Variants in ZFHX3 observed in about 807,000 individuals in gnomAD.
ZFHX3 encodes the protein zinc finger homeobox 3, also known as zinc finger homeobox protein 3.
Under a neutral mutation model 279.1 loss-of-function variants are expected in ZFHX3, and 42 were observed. The ratio of observed to expected loss-of-function variants is 0.15; its 90% CI spans 0.12 to 0.19. The LOEUF is 0.19. ZFHX3 is among the 10% of genes least tolerant of loss of function. ZFHX3 has a pLI of 1.00. For missense variants in ZFHX3, 4,981 were observed against 4,754.0 expected (o/e 1.05, Z -1.40); for synonymous variants, 2,293 against 1,957.8 (o/e 1.17, Z -4.52).
chr16:73,328,247 G>A (rs1567451769), intron 3 of ZFHX3, among the ~76,000 whole-genome samples: 1 of 152,066 alleles, frequency 6.6e-6, no homozygotes, highest in Admixed American at 6.5e-5. Context: ...GGTAGAAACT[G>A]GGGAGGTGGT....
chr16:72,908,715 A>G, intron 3 of ZFHX3, among the ~76,000 whole-genome samples: 1 of 152,178 alleles, frequency 6.6e-6, no homozygotes. Context: ...ACCTTCAGCA[A>G]GTTACCCGCC....
rs528493882 is a variant in ZFHX3, at chr16:72,918,749, G to A, written c.3217-28787C>T. Among the ~76,000 whole-genome samples, 16 of 150,294 alleles carry A rather than the reference G, an allele frequency of 1.1e-4. 1 individual carries two copies. The South Asian group carries it at 3.2e-3, about 30-fold the overall frequency. ...CTTGCTCTGTCTCCCAGGCTGGAGC[G>A]CAGTGGTGAAATCTCGGCTCACTGC... is the stretch of plus-strand genomic sequence containing the variant. On this transcript the variant is annotated intron_variant, in intron 3 of 9. Transcript: ENST00000268489.
At chr16:73,300,300 C>T (rs1205074863) in intron 4 of ZFHX3, among the ~76,000 whole-genome samples, 2 of 150,986 alleles carry the variant, frequency 1.3e-5, no homozygotes, top group Non-Finnish European at 2.9e-5. Flanking sequence ...CCCTGAAATG[C>T]CCCATTATAG....
intron 4 of ZFHX3, among the ~76,000 whole-genome samples, chr16:72,842,890 G>A (rs554893253): frequency 6.6e-6 from 1 of 152,112 alleles, no homozygotes; most frequent in South Asian, 2.1e-4. Context: ...GAAGAATGGA[G>A]ATATATAAGC....
chr16:72,802,610 G>A (rs1447973754), intron 7 of ZFHX3, among the ~76,000 whole-genome samples: 1 of 152,190 alleles, frequency 6.6e-6, no homozygotes, highest in Non-Finnish European at 1.5e-5. Flanking sequence ...TTCCCAGGAG[G>A]CAAAGAGGAA....
chr16:73,284,948 C>T (rs1335009345), intron 4 of ZFHX3, among the ~76,000 whole-genome samples: 1 of 152,172 alleles, frequency 6.6e-6, no homozygotes, highest in African/African-American at 2.4e-5. Flanking sequence ...TCAATGGATC[C>T]TCCTGTCTCA....
intron 2 of ZFHX3, among the ~76,000 whole-genome samples, chr16:73,465,488 G>A (rs2143590092): frequency 6.6e-6 from 1 of 152,176 alleles, no homozygotes; most frequent in East Asian, 1.9e-4. Flanking sequence ...AGGTCTCACT[G>A]GAGACTGGAA....
At chr16:73,417,089 C>T (rs1281310614) in intron 3 of ZFHX3, among the ~76,000 whole-genome samples, 1 of 152,038 alleles carries the variant, frequency 6.6e-6, no homozygotes, top group Non-Finnish European at 1.5e-5. Context: ...GGCACGTCAC[C>T]TCTGCTATTG....
chr16:73,389,107 C>G (rs1193527336), intron 3 of ZFHX3: 2 of 152,232 alleles, frequency 1.3e-5, no homozygotes, highest in East Asian at 1.9e-4. Context: ...CTCACACATA[C>G]GTGCGGTGTT....
At chr16:72,848,465 GA>G (rs1235733341) in intron 4 of ZFHX3, among the ~76,000 whole-genome samples, 1 of 152,108 alleles carries the variant, frequency 6.6e-6, no homozygotes, top group African/African-American at 2.4e-5. Flanking sequence ...CAATGCAAAG[GA>G]AACTCCGCTG....
intron 4 of ZFHX3, among the ~76,000 whole-genome samples, chr16:72,883,547 T>C (rs1034661870): frequency 2.6e-5 from 4 of 152,170 alleles, no homozygotes; most frequent in African/African-American, 9.7e-5. Flanking sequence ...GTAAGAAAAA[T>C]ACTTACAAAA....
chr16:72,787,797 A>G lies in ZFHX3; in HGVS notation c.10479T>C (p.Ser3493=). 6.2e-7 allele frequency: 1 copy of G among 1,613,102 alleles called. No homozygotes were observed. ...GCACCATCTCTTGCAGGTTCACCACAGACTGGCCGAAGAAGCAGAGGGACT... is the reference window on the plus strand; with the variant it reads ...GCACCATCTCTTGCAGGTTCACCACGGACTGGCCGAAGAAGCAGAGGGACT... ...HLKSLCFFGQ[S]VVNLQEMVLH... The change falls in exon 10 of 10, where the codon TCT becomes TCC. Residue 3493 remains serine, a synonymous_variant. Coordinates refer to ENST00000268489, the MANE Select transcript of ZFHX3 (RefSeq NM_006885.4).
intron 1 of ZFHX3, among the ~76,000 whole-genome samples, chr16:73,823,492 A>C (rs149520835): frequency 5.3e-4 from 81 of 152,304 alleles, no homozygotes; most frequent in African/African-American, 1.9e-3. Context: ...AACCCCAAGA[A>C]AGGCTGCAAG....
In ZFHX3 at chr16:73,170,775, G is replaced by A. The variant is rs1313761222; in HGVS notation, c.-1103-26944C>T. On this transcript the variant is annotated intron_variant, in intron 5 of 17. Coordinates refer to the ZFHX3 transcript ENST00000641206. ...CTGTCTGTACTTCCTGTCTCCCCAG[G>A]AAGTGTCAGTCAGAGATTTTCAGGA... 2.0e-5 allele frequency among the ~76,000 whole-genome samples: 3 copies of A among 152,274 alleles called. No individual in the cohort carries two copies. The East Asian group carries it at 5.8e-4, about 29-fold the overall frequency.
At position 72,796,597 on chromosome 16, in the gene ZFHX3, G is replaced by A; in HGVS notation, c.6085C>T (p.Leu2029=). 6.2e-7 allele frequency: 1 copy of A among 1,613,990 alleles called. No individual in the cohort carries two copies. Among genetic ancestry groups the A allele is most frequent in the African/African-American group, 1.3e-5 (1 of 74,984 alleles). The change falls in exon 9 of 10, where the codon CTG becomes TTG. Residue 2029 remains leucine, a synonymous_variant. Coordinates refer to ENST00000268489, the MANE Select transcript of ZFHX3 (RefSeq NM_006885.4). The part of the protein sequence containing the change: ...AKQYRDHYDK[L]YPLRPQTPEP... Reference sequence around the variant, plus strand: ...GGGGTCTGGGGCCTCAGTGGGTACAGTTTATCGTAGTGGTCTCTGTACTGT... The same window carrying A: ...GGGGTCTGGGGCCTCAGTGGGTACAATTTATCGTAGTGGTCTCTGTACTGT...
chr16:73,026,349 G>C (rs973253130), intron 1 of ZFHX3, among the ~76,000 whole-genome samples: 1 of 151,868 alleles, frequency 6.6e-6, no homozygotes, highest in African/African-American at 2.4e-5. Flanking sequence ...CTCCAGGCTG[G>C]GGGGCAGAGC....
At chr16:73,106,986 C>A (rs898588016) in intron 7 of ZFHX3, among the ~76,000 whole-genome samples, 3 of 152,072 alleles carry the variant, frequency 2.0e-5, no homozygotes, top group African/African-American at 7.2e-5. Flanking sequence ...ACTTGTAATA[C>A]CAAAAAAGCA....
intron 1 of ZFHX3, among the ~76,000 whole-genome samples, chr16:72,984,246 A>T (rs1273955352): frequency 6.6e-6 from 1 of 152,158 alleles, no homozygotes; most frequent in Non-Finnish European, 1.5e-5. Context: ...AGCTGCCCTG[A>T]TTCAACCTTC....
intron 2 of ZFHX3, among the ~76,000 whole-genome samples, chr16:73,569,081 G>C (rs2020493357): frequency 6.6e-6 from 1 of 152,168 alleles, no homozygotes; most frequent in Non-Finnish European, 1.5e-5. Context: ...GGGGAATAGA[G>C]AGAAGTCAAG....
Sources: gnomAD v4.1 joint callset for allele counts (sites outside exome capture counted in the v4.1 genomes callset) on GRCh38, gnomAD v4.1.1 for gene constraint, MANE v1.5 for transcripts, NCBI Gene and HGNC (gene_info 2026-07-23, HGNC 2026-07-21) for gene names.